Variants in MTUS1 observed in about 807,000 individuals in gnomAD.
MTUS1 encodes the protein microtubule-associated tumor suppressor 1.
Under a neutral mutation model 120.8 loss-of-function variants are expected in MTUS1, and 109 were observed. The ratio of observed to expected loss-of-function variants is 0.90; its 90% confidence interval spans 0.77 to 1.06. The LOEUF (loss-of-function observed/expected upper bound fraction) is 1.06. Ranked by LOEUF, MTUS1 falls within the 50% of genes least tolerant of loss-of-function variation. The pLI, the probability that MTUS1 is intolerant of heterozygous loss-of-function variation, is 0.00. For missense variants in MTUS1, 2,210 were observed against 1,486.3 expected (o/e 1.49, Z -8.01); for synonymous variants, 737 against 550.5 (o/e 1.34, Z -4.74).
intron 1 of MTUS1, among the ~76,000 whole-genome samples, chr8:17,786,778 T>C (rs938438070): frequency 5.9e-5 from 9 of 152,120 alleles, no homozygotes; most frequent in African/African-American, 2.2e-4. Context: ...TCATATGTGA[T>C]ATTAAGAGTT....
Position 17,715,775 on chromosome 8 carries a change from G to C in MTUS1, c.2576C>G (p.Pro859Arg). The change falls in exon 5 of 15, where the codon CCT becomes CGT. Residue 859 changes from proline (P) to arginine (R), a missense_variant. Pro to Arg is a moderately radical substitution (Grantham distance 103). Coordinates refer to ENST00000693296, the MANE Select transcript of MTUS1 (RefSeq NM_001363059.2). ...SRAHVHLMKT[P>R]PKGPSRKNLF... ...CACAATGAGGACTGTACCTTTTGGA[G>C]GAGTTTTCATCAAGTGAACATGAGC... 6 of 1,612,174 alleles carry C rather than the reference G, an allele frequency of 3.7e-6. No individual in the cohort carries two copies. The highest frequency in any genetic ancestry group is 5.1e-6 in the Non-Finnish European group (6 of 1,179,568).
chr8:17,704,729 T>C (rs999883547), intron 6 of MTUS1, among the ~76,000 whole-genome samples: 16 of 152,216 alleles, frequency 1.1e-4, no homozygotes, highest in African/African-American at 2.9e-4. Context: ...TTTGTCAAGA[T>C]TGTTTTGGCT....
At chr8:17,650,773 A>T (rs919864755) in intron 12 of MTUS1, among the ~76,000 whole-genome samples, 4 of 152,158 alleles carry the variant, frequency 2.6e-5, no homozygotes, top group African/African-American at 9.7e-5. Context: ...GCACACCATC[A>T]GTGTGGATTT....
Position 17,684,462 on chromosome 8 carries a change from T to A in MTUS1, c.2704A>T (p.Thr902Ser), listed in dbSNP as rs747468478. 3 of 1,614,042 alleles carry A rather than the reference T, an allele frequency of 1.9e-6. No individual in the cohort carries two copies. Among genetic ancestry groups the A allele is most frequent in the Non-Finnish European group, 2.5e-6 (3 of 1,180,004 alleles). The change falls in exon 7 of 15, where the codon ACA becomes TCA. Residue 902 changes from threonine to serine, a missense_variant. Transcript: ENST00000693296. ...GTTTTATATTGCGTCAATTCAAGTG[T>A]TTTCTCAGGGGGCAGCGCATCGGGA... ...TAPDALPPEKTLELTQYKTKC... is the reference protein window; with the variant it reads ...TAPDALPPEKSLELTQYKTKC...
intron 6 of MTUS1, among the ~76,000 whole-genome samples, chr8:17,695,506 G>T (rs904742713): frequency 2.0e-5 from 3 of 152,172 alleles, no homozygotes; most frequent in African/African-American, 7.2e-5. Context: ...TTTTACGTAA[G>T]TTTAGAAAAT....
intron 12 of MTUS1, chr8:17,651,500 T>G (rs1179963700): frequency 1.3e-5 from 2 of 152,002 alleles, no homozygotes; most frequent in African/African-American, 4.8e-5. Flanking sequence ...TTTCATACAT[T>G]TTATACAGTG....
At chr8:17,759,953 A>C (rs1245748862) in intron 1 of MTUS1, among the ~76,000 whole-genome samples, 1 of 151,900 alleles carries the variant, frequency 6.6e-6, no homozygotes, top group Non-Finnish European at 1.5e-5. Flanking sequence ...TCATGCCTGT[A>C]ATCTCAGCAC....
At chr8:17,751,880 A>AC (rs2048223313) in intron 2 of MTUS1, among the ~76,000 whole-genome samples, 1 of 151,300 alleles carries the variant, frequency 6.6e-6, no homozygotes, top group East Asian at 1.9e-4. Flanking sequence ...AAAAAAAAAA[A>AC]AAAAAAGAAA....
intron 1 of MTUS1, among the ~76,000 whole-genome samples, chr8:17,762,659 C>T (rs1029787067): frequency 6.6e-6 from 1 of 152,120 alleles, no homozygotes; most frequent in African/African-American, 2.4e-5. Context: ...AAATGGTGGA[C>T]GGCTATGAAG....
At position 17,753,707 on chromosome 8, in the gene MTUS1, TATTA is replaced by T. The variant is rs745820290; in HGVS notation, c.2091+6_2091+9del. ...CTGAAGCATGCAAAAAATATATATA[TATTA>T]CTTACCAAAAACAGAGAACCATATT... On this transcript the variant is annotated splice_donor_region_variant and intron_variant, in intron 2 of 14. Transcript: ENST00000693296. 33 of 1,558,430 alleles carry T rather than the reference TATTA, an allele frequency of 2.1e-5. No individual in the cohort carries two copies. Among genetic ancestry groups the T allele is most frequent in the South Asian group, 8.5e-5 (7 of 82,818 alleles).
intron 3 of MTUS1, 124 bp downstream of exon 3, chr8:17,743,480 T>G: frequency 1.2e-6 from 1 of 863,008 alleles, no homozygotes; most frequent in Non-Finnish European, 1.8e-6. Flanking sequence ...CTACCTCCTG[T>G]GCTCAGGATG....
chr8:17,684,412 A>G lies in MTUS1; in HGVS notation c.2754T>C (p.Phe918=), dbSNP rs761268484. 31 of 1,614,098 alleles carry G rather than the reference A, an allele frequency of 1.9e-5. No individual in the cohort carries two copies. Among genetic ancestry groups the G allele is most frequent in the Non-Finnish European group, 2.5e-5 (29 of 1,180,036 alleles). Residue 918 remains phenylalanine, a synonymous_variant, in exon 7 of 15, where the codon TTT becomes TTC. Transcript: ENST00000693296. ...CAAGAAGCTGCTTGAGCTGCAGGATAAATCCACTTTGGTTTTCACATTTTG... is the reference window on the plus strand; with the variant it reads ...CAAGAAGCTGCTTGAGCTGCAGGATGAATCCACTTTGGTTTTCACATTTTG... ...YKTKCENQSG[F]ILQLKQLLAC... is the part of the protein sequence containing the mutation.
chr8:17,793,881 A>C (rs2052002940), intron 1 of MTUS1, among the ~76,000 whole-genome samples: 1 of 152,212 alleles, frequency 6.6e-6, no homozygotes, highest in Non-Finnish European at 1.5e-5. Flanking sequence ...ATTTCGAACA[A>C]CACAAACACT....
At chr8:17,683,391 G>T (rs947977285) in intron 7 of MTUS1, among the ~76,000 whole-genome samples, 3 of 152,164 alleles carry the variant, frequency 2.0e-5, no homozygotes, top group African/African-American at 7.2e-5. Context: ...TATTACAGGG[G>T]CCTCTGTATG....
At chr8:17,694,677 A>AT (rs1317028791) in intron 6 of MTUS1, among the ~76,000 whole-genome samples, 4 of 149,868 alleles carry the variant, frequency 2.7e-5, no homozygotes, top group African/African-American at 1.0e-4. Context: ...AAAACAAAGC[A>AT]ACAAAAAAAC....
At chr8:17,704,804 G>A (rs973402059) in intron 6 of MTUS1, among the ~76,000 whole-genome samples, 5 of 152,024 alleles carry the variant, frequency 3.3e-5, no homozygotes, top group Non-Finnish European at 7.4e-5. Flanking sequence ...TTAAAAAAAT[G>A]ACACTGGGAT....
intron 1 of MTUS1, among the ~76,000 whole-genome samples, chr8:17,764,811 G>A (rs534286808): frequency 3.3e-5 from 5 of 152,318 alleles, no homozygotes; most frequent in Non-Finnish European, 7.3e-5. Context: ...ACTAGTCTAT[G>A]CCCTAATCCC....
intron 10 of MTUS1, 108 bp downstream of exon 10, chr8:17,654,453 C>T (rs1807751588): frequency 1.3e-6 from 1 of 799,544 alleles, no homozygotes; most frequent in Non-Finnish European, 2.1e-6. Flanking sequence ...AGCCTGAAGG[C>T]CACAGGGCAT....
intron 1 of MTUS1, 122 bp from the exon 2 acceptor site, chr8:17,756,083 A>C: frequency 2.4e-6 from 1 of 409,072 alleles, no homozygotes; most frequent in Non-Finnish European, 4.1e-6. Flanking sequence ...CCCCACAACT[A>C]CTGATGTGGG....
Sources: gnomAD v4.1 joint callset for allele counts (sites outside exome capture counted in the v4.1 genomes callset) on GRCh38, gnomAD v4.1.1 for gene constraint, MANE v1.5 for transcripts, NCBI Gene and HGNC (gene_info 2026-07-23, HGNC 2026-07-21) for gene names.